Variants in SHISAL1 observed in about 807,000 individuals in gnomAD.
SHISAL1 encodes the protein protein shisa-like-1.
A neutral mutation model predicts 22.6 loss-of-function variants in SHISAL1; 9 were observed. That is an observed-to-expected ratio of 0.40 (90% CI 0.24 to 0.70). The LOEUF (loss-of-function observed/expected upper bound fraction) is 0.70, where lower values mean the gene tolerates loss of function less well. SHISAL1 is among the 30% of genes least tolerant of loss of function. SHISAL1 has a pLI of 0.39. For missense variants in SHISAL1, 246 were observed against 270.6 expected (o/e 0.91, Z 0.64); for synonymous variants, 119 against 115.4 (o/e 1.03, Z -0.20).
At chr22:44,293,058 T>A (rs898792499) in intron 3 of SHISAL1, among the ~76,000 whole-genome samples, 7 of 152,148 alleles carry the variant, frequency 4.6e-5, no homozygotes, top group African/African-American at 1.7e-4. Flanking sequence ...CTCCACCAGC[T>A]CTTTATTCCC....
chr22:44,265,651 G>GT (rs1353675207), intron 4 of SHISAL1, among the ~76,000 whole-genome samples: 3 of 152,198 alleles, frequency 2.0e-5, no homozygotes, highest in African/African-American at 7.2e-5. Context: ...GGGGTAACTT[G>GT]TTACACAGCA....
chr22:44,283,408 G>C (rs2055290007), intron 4 of SHISAL1, among the ~76,000 whole-genome samples: 1 of 152,270 alleles, frequency 6.6e-6, no homozygotes, highest in South Asian at 2.1e-4. Context: ...GCATAGCACA[G>C]TGCCTGGCAC....
chr22:44,310,463 G>C lies in SHISAL1; in HGVS notation c.-33+2288C>G, dbSNP rs1266327635. 1.3e-5 allele frequency among the ~76,000 whole-genome samples: 2 copies of C among 152,178 alleles called. No homozygotes were observed. Among genetic ancestry groups the C allele is most frequent in the Non-Finnish European group, 2.9e-5 (2 of 68,032 alleles). ...AGCGAGTCTCCTTGGCCTTGGATCAGAGCTTTATCACTAACTAGCTGGGTG... is the reference window on the plus strand; with the variant it reads ...AGCGAGTCTCCTTGGCCTTGGATCACAGCTTTATCACTAACTAGCTGGGTG... On this transcript the variant is annotated intron_variant, in intron 1 of 4. Transcript: ENST00000381176. The surrounding 1 kb of genome is among the most constrained non-coding windows in gnomAD (Gnocchi z 4.0).
chr22:44,301,355 G>A (rs765801469), intron 1 of SHISAL1, among the ~76,000 whole-genome samples: 4 of 152,164 alleles, frequency 2.6e-5, no homozygotes, highest in Admixed American at 6.5e-5. Context: ...CCCCTGCTGT[G>A]TCGCTAAGGT....
At chr22:44,269,384 GA>G (rs1569212581) in intron 4 of SHISAL1, among the ~76,000 whole-genome samples, 16 of 145,272 alleles carry the variant, frequency 1.1e-4, no homozygotes, top group African/African-American at 2.3e-4. Flanking sequence ...CACACACCAT[GA>G]CACACAGACA....
In SHISAL1 at chr22:44,246,977, G is replaced by A. The variant is rs1275892623; in HGVS notation, c.*2708C>T. Reference sequence around the variant, plus strand: ...AGCAGCAGGACCACAAACCCCATGGGTTTTTCAGTTATTCCTGAAAAGACC... The same window carrying A: ...AGCAGCAGGACCACAAACCCCATGGATTTTTCAGTTATTCCTGAAAAGACC... On this transcript the variant is annotated 3_prime_UTR_variant, in exon 5 of 5. Transcript: ENST00000381176. 1.3e-5 allele frequency: 2 copies of A among 152,338 alleles called. No individual in the cohort carries two copies. Among genetic ancestry groups the A allele is most frequent in the Non-Finnish European group, 2.9e-5 (2 of 68,174 alleles). 9.4% of individuals were successfully genotyped at this position (152,338 alleles called of 1,614,324 possible). A position where few individuals can be genotyped will look rare whatever the true frequency, so the allele number is the denominator to read the frequency against.
At chr22:44,284,364 C>A (rs527669464) in intron 4 of SHISAL1, among the ~76,000 whole-genome samples, 2 of 152,168 alleles carry the variant, frequency 1.3e-5, no homozygotes, top group Non-Finnish European at 2.9e-5. Context: ...GGGGTGAAAT[C>A]TCATGCCCGA....
intron 4 of SHISAL1, among the ~76,000 whole-genome samples, chr22:44,268,349 C>A (rs112853249): frequency 0.096 from 14,542 of 152,160 alleles, 1,087 homozygotes; most frequent in East Asian, 0.35. Flanking sequence ...TTTTTCAAAG[C>A]GTTTTTCAAA....
chr22:44,299,994 G>T (rs2055415420), intron 2 of SHISAL1, among the ~76,000 whole-genome samples: 3 of 142,726 alleles, frequency 2.1e-5, no homozygotes, highest in Admixed American at 2.1e-4. Flanking sequence ...AGACAAAGAG[G>T]CAGAGGACAG....
chr22:44,301,954 A>G (rs1380473477), intron 1 of SHISAL1, among the ~76,000 whole-genome samples: 1 of 152,108 alleles, frequency 6.6e-6, no homozygotes, highest in Non-Finnish European at 1.5e-5. Flanking sequence ...GCAGAGTTGC[A>G]GTTTGGGAAG....
At chr22:44,254,117 T>A (rs1043187675) in intron 4 of SHISAL1, among the ~76,000 whole-genome samples, 8 of 151,650 alleles carry the variant, frequency 5.3e-5, no homozygotes, top group Non-Finnish European at 8.8e-5. Flanking sequence ...AATAACAAAA[T>A]ATATATTTAA....
intron 3 of SHISAL1, among the ~76,000 whole-genome samples, chr22:44,288,624 G>A (rs1350197290): frequency 1.3e-5 from 2 of 152,238 alleles, no homozygotes; most frequent in Non-Finnish European, 2.9e-5. Flanking sequence ...CTGGGTGACA[G>A]AGCGAGACTC....
At chr22:44,300,465 C>T (rs1188267132) in intron 2 of SHISAL1, among the ~76,000 whole-genome samples, 3 of 152,218 alleles carry the variant, frequency 2.0e-5, no homozygotes, top group South Asian at 2.1e-4. Flanking sequence ...GGAGGCTGGT[C>T]GGGCTAGAAT....
intron 3 of SHISAL1, among the ~76,000 whole-genome samples, chr22:44,293,189 C>G (rs537312122): frequency 6.3e-4 from 96 of 152,308 alleles, no homozygotes; most frequent in Non-Finnish European, 1.1e-3. Context: ...AGCACCACGC[C>G]CCCCTCCGCA....
upstream of SHISAL1, among the ~76,000 whole-genome samples, chr22:44,314,992 T>C (rs1014394396): frequency 6.6e-6 from 1 of 152,226 alleles, no homozygotes; most frequent in Non-Finnish European, 1.5e-5. Context: ...ATGTTCTTTT[T>C]GAGAGTGCAT....
intron 1 of SHISAL1, among the ~76,000 whole-genome samples, chr22:44,304,209 G>T (rs1020926430): frequency 6.6e-6 from 1 of 152,214 alleles, no homozygotes; most frequent in African/African-American, 2.4e-5. Flanking sequence ...CTGCTTTACT[G>T]GGGGCAGAGT....
At chr22:44,264,352 G>T (rs1037319889) in intron 4 of SHISAL1, among the ~76,000 whole-genome samples, 1 of 152,302 alleles carries the variant, frequency 6.6e-6, no homozygotes, top group Non-Finnish European at 1.5e-5. Context: ...TCTCAATGGT[G>T]GTTCCTTTTG....
At chr22:44,269,139 T>A (rs1305930046) in intron 4 of SHISAL1, among the ~76,000 whole-genome samples, 1 of 144,582 alleles carries the variant, frequency 6.9e-6, no homozygotes, top group Non-Finnish European at 1.5e-5. Context: ...ACAATACACA[T>A]AAACACACAT....
intron 4 of SHISAL1, among the ~76,000 whole-genome samples, chr22:44,278,243 C>A (rs2055253234): frequency 6.6e-6 from 1 of 152,206 alleles, no homozygotes. Flanking sequence ...TGGATGCTTC[C>A]TGCCCTTGAA....
Sources: allele counts gnomAD v4.1 joint callset (sites outside exome capture counted in the v4.1 genomes callset), GRCh38; gene constraint gnomAD v4.1.1; non-coding constraint Gnocchi (gnomAD v3.1); transcripts MANE v1.5; gene names NCBI Gene and HGNC (gene_info 2026-07-23, HGNC 2026-07-21).